SUGCT: variants seen among roughly 807,000 people sequenced by gnomAD.
SUGCT encodes the protein succinyl-CoA:glutarate CoA-transferase.
Under a neutral mutation model 55.0 loss-of-function variants are expected in SUGCT, and 41 were observed. That is an observed-to-expected ratio of 0.74 (90% CI 0.58 to 0.97). The LOEUF is 0.97. SUGCT is among the 50% of genes least tolerant of loss of function. The pLI is 0.00. For missense variants in SUGCT, 568 were observed against 547.8 expected (o/e 1.04, Z -0.37); for synonymous variants, 187 against 200.4 (o/e 0.93, Z 0.56).
intron 12 of SUGCT, among the ~76,000 whole-genome samples, chr7:40,671,107 T>C (rs1210615734): frequency 6.6e-6 from 1 of 152,216 alleles, no homozygotes; most frequent in Admixed American, 6.5e-5. Flanking sequence ...ATGTTATCTA[T>C]GTCTTGCTCA....
intron 8 of SUGCT, among the ~76,000 whole-genome samples, chr7:40,309,824 A>G (rs1795048748): frequency 7.0e-6 from 1 of 142,064 alleles, no homozygotes; most frequent in South Asian, 2.3e-4. Context: ...GAGAGGTCCT[A>G]ATGGCCAAAA....
chr7:40,837,827 T>G (rs369444616), intron 13 of SUGCT, among the ~76,000 whole-genome samples: 51 of 152,196 alleles, frequency 3.4e-4, no homozygotes, highest in African/African-American at 1.1e-3. Flanking sequence ...TTGGCCAGGC[T>G]GGTCCCGACC....
At chr7:40,370,607 A>G (rs1206051543) in intron 9 of SUGCT, among the ~76,000 whole-genome samples, 3 of 138,412 alleles carry the variant, frequency 2.2e-5, no homozygotes, top group Non-Finnish European at 3.1e-5. Context: ...AGAGAGAGAG[A>G]GGAGAGAGAG....
intron 13 of SUGCT, among the ~76,000 whole-genome samples, chr7:40,836,426 TTGAC>T (rs1424148129): frequency 6.6e-6 from 1 of 152,242 alleles, no homozygotes; most frequent in East Asian, 1.9e-4. Context: ...AGTGATACAG[TTGAC>T]TGACCATATG....
At chr7:40,210,629 C>T (rs1043055948) in intron 6 of SUGCT, among the ~76,000 whole-genome samples, 5 of 152,090 alleles carry the variant, frequency 3.3e-5, no homozygotes, top group South Asian at 4.1e-4. Context: ...ACAGATGGAA[C>T]GATGGTGAGC....
chr7:40,245,450 T>A (rs55672411), intron 7 of SUGCT, among the ~76,000 whole-genome samples: 35,065 of 82,764 alleles, frequency 0.42, 8,684 homozygotes, highest in East Asian at 0.6. Flanking sequence ...TTTTTTTTTT[T>A]TTTTTTTGAG....
chr7:40,850,308 G>A (rs963161894), intron 13 of SUGCT, among the ~76,000 whole-genome samples: 9 of 152,084 alleles, frequency 5.9e-5, no homozygotes, highest in Non-Finnish European at 4.4e-5. Flanking sequence ...GCTTCCCTTC[G>A]GTCTCTCAGT....
chr7:40,146,317 A>C (rs1408657741), intron 1 of SUGCT, among the ~76,000 whole-genome samples: 1 of 152,190 alleles, frequency 6.6e-6, no homozygotes, highest in Non-Finnish European at 1.5e-5. Context: ...CTTTCAGGCT[A>C]CGCCCTTGTT....
chr7:40,562,127 G>A (rs1254361519), intron 12 of SUGCT, among the ~76,000 whole-genome samples: 1 of 151,328 alleles, frequency 6.6e-6, no homozygotes, highest in Admixed American at 6.6e-5. Flanking sequence ...GTGAAACCCC[G>A]TCTCTACTAA....
chr7:40,288,060 A>G (rs1221952511), intron 8 of SUGCT, among the ~76,000 whole-genome samples: 2 of 152,016 alleles, frequency 1.3e-5, no homozygotes, highest in Non-Finnish European at 2.9e-5. Context: ...CTTTGTATGT[A>G]TTGCTGTACT....
Position 40,489,594 on chromosome 7 carries a change from T to TC in SUGCT, c.987-6689dup, listed in dbSNP as rs571735305. On this transcript the variant is annotated intron_variant, in intron 11 of 13. Transcript: ENST00000335693. The stretch of plus-strand genomic sequence containing the variant: ...TGCTCAGGAGGTTGAGGCAGGAGAA[T>TC]CATTTGAACCCAGGAGGTCGAGGTT... Among the ~76,000 whole-genome samples, 689 of 152,188 alleles carry TC rather than the reference T, an allele frequency of 4.5e-3. 5 individuals carry two copies. The highest frequency in any genetic ancestry group is 8.4e-3 in the Non-Finnish European group (568 of 67,988).
chr7:40,366,106 G>A lies in SUGCT; in HGVS notation c.816+49251G>A, dbSNP rs773322153. Among the ~76,000 whole-genome samples the A allele has an allele frequency of 1.3e-4, 20 of 152,124 alleles. No individual in the cohort carries two copies. In the East Asian group the frequency reaches 3.1e-3, roughly 24 times the overall value. Reference sequence around the variant, plus strand: ...ACAGAACAGAGCCCTCAGAAATAACGCCACATATCTACAACTATCCGATCT... The same window carrying A: ...ACAGAACAGAGCCCTCAGAAATAACACCACATATCTACAACTATCCGATCT... On this transcript the variant is annotated intron_variant, in intron 9 of 13. Transcript: ENST00000335693.
chr7:40,284,027 G>T (rs1793147123), intron 8 of SUGCT, among the ~76,000 whole-genome samples: 1 of 152,054 alleles, frequency 6.6e-6, no homozygotes, highest in African/African-American at 2.4e-5. Flanking sequence ...GCAGGACTAA[G>T]TGATATAAGT....
chr7:40,614,127 G>GT lies in SUGCT; in HGVS notation c.1089+117753dup, dbSNP rs397802473. ...AAAAATTATAAACAACCCCAAGGCT[G>GT]TTTTTTTTTTTTAACTACATTATCC... On this transcript the variant is annotated intron_variant, in intron 12 of 13. Coordinates refer to ENST00000335693, the MANE Select transcript of SUGCT (RefSeq NM_001193313.2). Among the ~76,000 whole-genome samples, 263 of 142,648 alleles carry GT rather than the reference G, an allele frequency of 1.8e-3. 1 individual carries two copies. The highest frequency in any genetic ancestry group is 7.6e-3 in the South Asian group (34 of 4,458). The allele number at this position is 142,648 out of a possible 152,430, so 93.6% of individuals were successfully genotyped here.
intron 6 of SUGCT, among the ~76,000 whole-genome samples, chr7:40,211,268 C>T (rs1787320852): frequency 6.6e-6 from 1 of 152,184 alleles, no homozygotes; most frequent in African/African-American, 2.4e-5. Flanking sequence ...GGCTGGAGGG[C>T]AATGGCACGA....
intron 12 of SUGCT, among the ~76,000 whole-genome samples, chr7:40,571,784 A>C (rs1796464392): frequency 6.6e-6 from 1 of 152,210 alleles, no homozygotes; most frequent in Admixed American, 6.5e-5. Context: ...TAAAGTGTGA[A>C]TCTGTGGTAT....
At chr7:40,719,711 G>T (rs927234380) in intron 12 of SUGCT, among the ~76,000 whole-genome samples, 2 of 152,182 alleles carry the variant, frequency 1.3e-5, no homozygotes, top group Non-Finnish European at 1.5e-5. Context: ...AAGCAATGAA[G>T]CTGCTGAAAT....
At chr7:40,714,704 T>C (rs549300773) in intron 12 of SUGCT, among the ~76,000 whole-genome samples, 2 of 152,356 alleles carry the variant, frequency 1.3e-5, no homozygotes, top group South Asian at 4.1e-4. Context: ...AAATAGTTTT[T>C]CTCAGAAGCA....
intron 9 of SUGCT, among the ~76,000 whole-genome samples, chr7:40,398,820 T>C (rs1346609003): frequency 6.6e-6 from 1 of 152,142 alleles, no homozygotes; most frequent in Non-Finnish European, 1.5e-5. Context: ...ATTTGTGCAG[T>C]GAACAAAGGA....
Sources: allele counts gnomAD v4.1 joint callset (sites outside exome capture counted in the v4.1 genomes callset), GRCh38; gene constraint gnomAD v4.1.1; transcripts MANE v1.5; gene names NCBI Gene and HGNC (gene_info 2026-07-23, HGNC 2026-07-21).